ACVR1C: variants seen among roughly 807,000 people sequenced by gnomAD.
ACVR1C encodes the protein activin receptor type-1C.
In ACVR1C, 23 loss-of-function variants were observed where a neutral mutation model predicts 57.9. The ratio of observed to expected loss-of-function variants is 0.40; its 90% confidence interval spans 0.29 to 0.56. The LOEUF (loss-of-function observed/expected upper bound fraction) is 0.56. ACVR1C is among the 20% of genes least tolerant of loss of function. The pLI is 0.50. For synonymous variants in ACVR1C, 214 were observed against 215.3 expected (o/e 0.99, Z 0.05); for missense variants, 480 against 607.9 (o/e 0.79, Z 2.21).
At position 157,529,850 on chromosome 2, in the gene ACVR1C, G is replaced by A. The variant is rs1687316796; in HGVS notation, c.*4068C>T. On this transcript the variant is annotated 3_prime_UTR_variant, in exon 9 of 9. Coordinates refer to ENST00000243349, the MANE Select transcript of ACVR1C (RefSeq NM_145259.3). ...CTATATATTTTCATTAAAATGTTTTGAAAAATGCCCATATTATAAAAATTC... is the reference window on the plus strand; with the variant it reads ...CTATATATTTTCATTAAAATGTTTTAAAAAATGCCCATATTATAAAAATTC... 6.6e-6 allele frequency: 1 copy of A among 151,822 alleles called. No individual in the cohort carries two copies. The highest frequency in any genetic ancestry group is 1.5e-5 in the Non-Finnish European group (1 of 67,900). The allele number at this position is 151,822 out of a possible 1,614,324, so 9.4% of individuals were successfully genotyped here.
At chr2:157,587,055 G>C in intron 2 of ACVR1C, 132 bp downstream of exon 2, 1 of 846,766 alleles carries the variant, frequency 1.2e-6, no homozygotes, top group South Asian at 2.0e-5. Context: ...AATTTTACCA[G>C]CCAAAATCAA....
intron 2 of ACVR1C, among the ~76,000 whole-genome samples, chr2:157,561,778 G>C (rs1431194315): frequency 6.6e-6 from 1 of 152,128 alleles, no homozygotes; most frequent in Non-Finnish European, 1.5e-5. Context: ...TCCAATATTT[G>C]CTAGATGTTA....
At chr2:157,622,226 A>G (rs549401058) in intron 1 of ACVR1C, among the ~76,000 whole-genome samples, 3 of 152,306 alleles carry the variant, frequency 2.0e-5, no homozygotes, top group South Asian at 4.1e-4. Flanking sequence ...ACTATAAGGT[A>G]TAACTAATGA....
At chr2:157,559,450 A>G (rs1198071123) in intron 2 of ACVR1C, among the ~76,000 whole-genome samples, 5 of 152,248 alleles carry the variant, frequency 3.3e-5, no homozygotes, top group African/African-American at 1.2e-4. Flanking sequence ...CCAGCGAATC[A>G]GGGTACAAGA....
intron 1 of ACVR1C, among the ~76,000 whole-genome samples, chr2:157,611,940 A>T (rs912689561): frequency 6.6e-6 from 1 of 152,200 alleles, no homozygotes; most frequent in African/African-American, 2.4e-5. Flanking sequence ...TGTGGAGAAC[A>T]TGACTCCAGG....
chr2:157,544,799 G>C (rs1225123428), intron 4 of ACVR1C, among the ~76,000 whole-genome samples, 187 bp from the exon 5 acceptor site: 1 of 152,112 alleles, frequency 6.6e-6, no homozygotes, highest in African/African-American at 2.4e-5. Flanking sequence ...TGATATGTTG[G>C]AACTTGTTAT....
intron 2 of ACVR1C, among the ~76,000 whole-genome samples, chr2:157,573,484 T>G (rs928401608): frequency 2.6e-5 from 4 of 152,110 alleles, no homozygotes; most frequent in African/African-American, 9.7e-5. Context: ...CACTTACCCT[T>G]TTAAGCACTG....
At position 157,531,383 on chromosome 2, in the gene ACVR1C, G is replaced by T. The variant is rs986970412; in HGVS notation, c.*2535C>A. 7.2e-5 allele frequency: 11 copies of T among 152,018 alleles called. No homozygotes were observed. Among genetic ancestry groups the T allele is most frequent in the African/African-American group, 2.4e-4 (10 of 41,518 alleles). 9.4% of individuals were successfully genotyped at this position (152,018 alleles called of 1,614,324 possible). Reference sequence around the variant, plus strand: ...TCATAGTTAAACAACACAAGAACAAGAAAAATACCTCAAAATGTACTAACA... The same window carrying T: ...TCATAGTTAAACAACACAAGAACAATAAAAATACCTCAAAATGTACTAACA... On this transcript the variant is annotated 3_prime_UTR_variant, in exon 9 of 9. Coordinates refer to ENST00000243349, the MANE Select transcript of ACVR1C (RefSeq NM_145259.3).
chr2:157,608,990 C>T (rs1250650347), intron 1 of ACVR1C, among the ~76,000 whole-genome samples: 1 of 151,616 alleles, frequency 6.6e-6, no homozygotes, highest in Non-Finnish European at 1.5e-5. Flanking sequence ...CTGCTGTGAT[C>T]TTTATTATTT....
chr2:157,538,689 A>G lies in ACVR1C; in HGVS notation c.1240T>C (p.Tyr414His). 1 of 1,500,202 alleles carries G rather than the reference A, an allele frequency of 6.7e-7. No homozygotes were observed. Among genetic ancestry groups the G allele is most frequent in the African/African-American group, 1.4e-5 (1 of 70,404 alleles). The allele number at this position is 1,500,202 out of a possible 1,614,324, so 92.9% of individuals were successfully genotyped here. Residue 414 changes from tyrosine (Y) to histidine (H), a missense_variant, in exon 8 of 9, where the codon TAC becomes CAC. Tyr to His is a moderately conservative substitution (Grantham distance 83). Coordinates refer to ENST00000243349, the MANE Select transcript of ACVR1C (RefSeq NM_145259.3). ...RCSVGGIVEE[Y>H]QLPYYDMVPS... ...ACCATGTCATAATAAGGCAATTGGT[A>G]CTCCTCAACAATTCCTGTAAGAAAT...
chr2:157,613,634 T>C (rs983790554), intron 1 of ACVR1C, among the ~76,000 whole-genome samples: 17 of 152,320 alleles, frequency 1.1e-4, no homozygotes, highest in African/African-American at 3.6e-4. Flanking sequence ...GTCATATGGT[T>C]TTCTTTAGTC....
intron 3 of ACVR1C, among the ~76,000 whole-genome samples, chr2:157,554,201 G>GAGAAAGAAAGAAGGAAAGAAAGAA (rs1687997904): frequency 2.4e-5 from 1 of 41,440 alleles, no homozygotes; most frequent in East Asian, 9.1e-4. Context: ...ATAAAGAAGA[G>GAGAAAGAAAGAAGGAAAGAAAGAA]AGAAAGAAAG....
rs558346502 is a variant in ACVR1C, at chr2:157,557,730, A to G, written c.305-1398T>C. 2.6e-5 allele frequency among the ~76,000 whole-genome samples: 4 copies of G among 152,316 alleles called. No individual in the cohort carries two copies. In the East Asian group the frequency reaches 7.7e-4, roughly 29 times the overall value. On this transcript the variant is annotated intron_variant, in intron 2 of 8. Transcript: ENST00000243349. ...TTTTCATTTTAGAAAAATAAATGTGATCATTGAAACCAAGTAACATAAGGA... is the reference window on the plus strand; with the variant it reads ...TTTTCATTTTAGAAAAATAAATGTGGTCATTGAAACCAAGTAACATAAGGA...
intron 1 of ACVR1C, among the ~76,000 whole-genome samples, chr2:157,622,673 A>G (rs1185164087): frequency 6.6e-6 from 1 of 152,202 alleles, no homozygotes; most frequent in African/African-American, 2.4e-5. Context: ...ACATTGGGGA[A>G]AATCTCCAGG....
At chr2:157,568,095 C>T (rs1268042913) in intron 2 of ACVR1C, among the ~76,000 whole-genome samples, 1 of 150,348 alleles carries the variant, frequency 6.7e-6, no homozygotes, top group Non-Finnish European at 1.5e-5. Context: ...CCCAGAATTT[C>T]ATATCCAGCC....
Position 157,533,799 on chromosome 2 carries a change from A to T in ACVR1C, c.*119T>A. The T allele has an allele frequency of 9.6e-7, 1 of 1,038,362 alleles. No individual in the cohort carries two copies. Among genetic ancestry groups the T allele is most frequent in the Non-Finnish European group, 1.3e-6 (1 of 777,986 alleles). The allele number at this position is 1,038,362 out of a possible 1,614,324, so 64.3% of individuals were successfully genotyped here. A position where few individuals can be genotyped will look rare whatever the true frequency, so the allele number is the denominator to read the frequency against. On this transcript the variant is annotated 3_prime_UTR_variant, in exon 9 of 9. Coordinates refer to ENST00000243349, the MANE Select transcript of ACVR1C (RefSeq NM_145259.3). ...TTTTCATGCTGCCTTATGGGCACTTAAATACTGTACTGTCTTATCTTTGAG... is the reference window on the plus strand; with the variant it reads ...TTTTCATGCTGCCTTATGGGCACTTTAATACTGTACTGTCTTATCTTTGAG...
chr2:157,566,422 G>C (rs1363467314), intron 2 of ACVR1C, among the ~76,000 whole-genome samples: 1 of 152,210 alleles, frequency 6.6e-6, no homozygotes, highest in Non-Finnish European at 1.5e-5. Flanking sequence ...CAGAAGACGG[G>C]TGATTTCTGC....
intron 1 of ACVR1C, among the ~76,000 whole-genome samples, chr2:157,598,328 G>A (rs1242235821): frequency 6.7e-6 from 1 of 150,232 alleles, no homozygotes; most frequent in African/African-American, 2.4e-5. Context: ...ATACAATTAT[G>A]ATTTGTTAAT....
chr2:157,554,215 G>GAAAGAAAGAAAGAAAGAAAGAA (rs1688005050), intron 3 of ACVR1C, among the ~76,000 whole-genome samples: 3 of 74,136 alleles, frequency 4.0e-5, no homozygotes, highest in African/African-American at 2.0e-4. Context: ...AAGAAAGAAA[G>GAAAGAAAGAAAGAAAGAAAGAA]AAAGAAAGAA....
Sources: allele counts gnomAD v4.1 joint callset (sites outside exome capture counted in the v4.1 genomes callset), GRCh38; gene constraint gnomAD v4.1.1; transcripts MANE v1.5; gene names NCBI Gene and HGNC (gene_info 2026-07-23, HGNC 2026-07-21).